The following CAPN5 variants were observed in gnomAD, a reference collection of about 807,000 sequenced individuals.
The protein encoded by CAPN5 is calpain 5, also known as calpain-5.
Under a neutral mutation model 73.0 loss-of-function variants are expected in CAPN5, and 54 were observed. The ratio of observed to expected loss-of-function variants is 0.74; its 90% CI spans 0.59 to 0.93. CAPN5 has a LOEUF of 0.93. CAPN5 is among the 40% of genes least tolerant of loss of function. The pLI is 0.00. For synonymous variants in CAPN5, 335 were observed against 356.9 expected, an observed-to-expected ratio of 0.94 and a Z score of 0.69; for missense variants, 785 against 882.9, an observed-to-expected ratio of 0.89 and a Z score of 1.41.
chr11:77,116,432 T>C, intron 7 of CAPN5, 129 bp downstream of exon 7: 1 of 731,868 alleles, frequency 1.4e-6, no homozygotes, highest in Non-Finnish European at 2.4e-6. Context: ...CTGTGTGGCC[T>C]TGGACAAGTC....
At chr11:77,122,531 GCCCCCA>G in intron 11 of CAPN5, 39 bp from the exon 12 acceptor site, 3 of 1,228,394 alleles carry the variant, frequency 2.4e-6, no homozygotes, top group Non-Finnish European at 3.5e-6. Flanking sequence ...CCCTGCCACA[GCCCCCA>G]CCCCCACCCT....
At chr11:77,075,229 A>T (rs907970271) in intron 1 of CAPN5, among the ~76,000 whole-genome samples, 2 of 150,906 alleles carry the variant, frequency 1.3e-5, no homozygotes, top group Non-Finnish European at 2.9e-5. Flanking sequence ...TCTGAGCACC[A>T]TGCCACCCTC....
At chr11:77,067,955 G>A (rs1338332686) in intron 1 of CAPN5, among the ~76,000 whole-genome samples, 4 of 151,990 alleles carry the variant, frequency 2.6e-5, no homozygotes, top group Non-Finnish European at 5.9e-5. Flanking sequence ...ACCCGGGTCC[G>A]CCTGGCTCTC....
chr11:77,089,638 A>T (rs1293418022), intron 2 of CAPN5, among the ~76,000 whole-genome samples: 2 of 152,172 alleles, frequency 1.3e-5, no homozygotes, highest in Non-Finnish European at 2.9e-5. Flanking sequence ...TGAAGGAAGG[A>T]TGGCTTTGTC....
At chr11:77,069,023 C>T (rs1555032611) in intron 1 of CAPN5, among the ~76,000 whole-genome samples, 1 of 152,144 alleles carries the variant, frequency 6.6e-6, no homozygotes, top group African/African-American at 2.4e-5. Context: ...TCAGATCAGC[C>T]CTGGAGTCCT....
chr11:77,108,224 A>C (rs1950371386), intron 3 of CAPN5, among the ~76,000 whole-genome samples: 1 of 152,186 alleles, frequency 6.6e-6, no homozygotes, highest in South Asian at 2.1e-4. Flanking sequence ...TGGAGATCTG[A>C]GAATTAGTCA....
intron 3 of CAPN5, among the ~76,000 whole-genome samples, chr11:77,098,463 C>T (rs1555038021): frequency 4.7e-5 from 5 of 105,436 alleles, no homozygotes; most frequent in Admixed American, 8.5e-5. Flanking sequence ...GGCAGAGGCG[C>T]CCCTCACCTC....
chr11:77,122,531 G>GCCCCCCC, intron 11 of CAPN5, 45 bp from the exon 12 acceptor site: 3 of 1,228,390 alleles, frequency 2.4e-6, no homozygotes, highest in Admixed American at 2.1e-5. Flanking sequence ...CCCTGCCACA[G>GCCCCCCC]CCCCCACCCC....
At chr11:77,101,829 G>T (rs1166299073) in intron 3 of CAPN5, among the ~76,000 whole-genome samples, 1 of 152,082 alleles carries the variant, frequency 6.6e-6, no homozygotes, top group African/African-American at 2.4e-5. Flanking sequence ...TGAGCTTCTG[G>T]TTCCGCCCCG....
intron 2 of CAPN5, 99 bp from the exon 3 acceptor site, chr11:77,093,583 A>AGTC (rs781977507): frequency 1.1e-4 from 160 of 1,438,672 alleles, no homozygotes; most frequent in Middle Eastern, 1.8e-4. Context: ...TCACACAGCA[A>AGTC]GTCTGTGTCT....
chr11:77,114,336 G>A lies in CAPN5; in HGVS notation c.601G>A (p.Glu201Lys), dbSNP rs782281851. ...TGTTTCTGAGCCCATCGACCTGACC[G>A]AGGGTGACTTTGCCAACGATGAGAC... is the stretch of plus-strand genomic sequence containing the variant. ...GGVSEPIDLTEGDFANDETKR... is the reference protein window; with the variant it reads ...GGVSEPIDLTKGDFANDETKR... The change falls in exon 5 of 13, where the codon GAG becomes AAG. Residue 201 changes from glutamate to lysine, a missense_variant. Coordinates refer to ENST00000648180, the MANE Select transcript of CAPN5 (RefSeq NM_004055.5). The A allele has an allele frequency of 2.0e-5, 33 of 1,614,056 alleles. No homozygotes were observed. Among genetic ancestry groups the A allele is most frequent in the Middle Eastern group, 1.6e-4 (1 of 6,084 alleles).
chr11:77,077,229 T>G (rs1949980654), intron 1 of CAPN5, among the ~76,000 whole-genome samples: 1 of 152,030 alleles, frequency 6.6e-6, no homozygotes, highest in Admixed American at 6.5e-5. Context: ...TGGTGGCGCA[T>G]GCCTGTAGTC....
chr11:77,089,564 T>A (rs561184835), intron 2 of CAPN5, among the ~76,000 whole-genome samples: 9 of 152,292 alleles, frequency 5.9e-5, no homozygotes, highest in Admixed American at 3.9e-4. Flanking sequence ...CCCAAACCCT[T>A]GGTCTCATTG....
Position 77,102,780 on chromosome 11 carries a change from C to T in CAPN5, c.297+8967C>T, listed in dbSNP as rs567820775. On this transcript the variant is annotated intron_variant, in intron 3 of 12. Coordinates refer to ENST00000648180, the MANE Select transcript of CAPN5 (RefSeq NM_004055.5). ...CCCCCCTTTGGTGGCCTCTTCTCTCCACGGCCCCAGGCTCCAGCCCACTTG... is the reference window on the plus strand; with the variant it reads ...CCCCCCTTTGGTGGCCTCTTCTCTCTACGGCCCCAGGCTCCAGCCCACTTG... The T allele has an allele frequency of 7.5e-6, 11 of 1,466,504 alleles. No homozygotes were observed. The East Asian group carries it at 2.5e-4, about 33-fold the overall frequency. The allele number at this position is 1,466,504 out of a possible 1,614,324, so 90.8% of individuals were successfully genotyped here.
rs1950454668 is a variant in CAPN5, at chr11:77,115,296, C to T, written c.700-99C>T. The stretch of plus-strand genomic sequence containing the variant: ...CCATGACTGCAATTCCCATCCCATC[C>T]TGTAGGTCCCGTGCAGCCTCCTAGC... On this transcript the variant is annotated intron_variant, in intron 5 of 12. Transcript: ENST00000648180. 3 of 900,166 alleles carry T rather than the reference C, an allele frequency of 3.3e-6. No homozygotes were observed. The South Asian group carries it at 5.0e-5, about 15-fold the overall frequency. 55.8% of individuals were successfully genotyped at this position (900,166 alleles called of 1,614,324 possible).
At chr11:77,083,806 G>A (rs543068043) in intron 1 of CAPN5, among the ~76,000 whole-genome samples, 1 of 152,150 alleles carries the variant, frequency 6.6e-6, no homozygotes, top group African/African-American at 2.4e-5. Flanking sequence ...CCAGTTCAAC[G>A]TCACCCAGCA....
intron 2 of CAPN5, among the ~76,000 whole-genome samples, chr11:77,087,742 A>T (rs572163035): frequency 1.3e-5 from 2 of 152,202 alleles, no homozygotes; most frequent in South Asian, 4.1e-4. Flanking sequence ...GAGGCAGGTG[A>T]CAAACTGGTT....
At chr11:77,122,973 C>T (rs1243022878) in intron 12 of CAPN5, among the ~76,000 whole-genome samples, 2 of 152,258 alleles carry the variant, frequency 1.3e-5, no homozygotes, top group Non-Finnish European at 2.9e-5. Context: ...CAGCAGTCAT[C>T]TCTGCTGACC....
intron 7 of CAPN5, 43 bp downstream of exon 7, chr11:77,116,346 T>A: frequency 6.5e-7 from 1 of 1,526,988 alleles, no homozygotes; most frequent in East Asian, 2.3e-5. Flanking sequence ...TGAGGGGGCT[T>A]CCCACGGGCC....
Sources: gnomAD v4.1 joint callset for allele counts (sites outside exome capture counted in the v4.1 genomes callset) on GRCh38, gnomAD v4.1.1 for gene constraint, MANE v1.5 for transcripts, NCBI Gene and HGNC (gene_info 2026-07-23, HGNC 2026-07-21) for gene names.